The following ARHGEF37 variants were observed in gnomAD, a reference collection of about 807,000 sequenced individuals.
ARHGEF37 encodes the protein Rho guanine nucleotide exchange factor (GEF) 37.
A neutral mutation model predicts 71.1 loss-of-function variants in ARHGEF37; 55 were observed. The ratio of observed to expected loss-of-function variants is 0.77; its 90% confidence interval spans 0.62 to 0.97. The LOEUF (loss-of-function observed/expected upper bound fraction) is 0.97, where lower values mean the gene tolerates loss of function less well. Among genes scored for constraint, ARHGEF37 ranks in the 50% least tolerant of loss-of-function variants. The probability of loss-of-function intolerance (pLI) is 0.00; values close to 1 mark genes in which losing one functional copy is unlikely to be tolerated. For synonymous variants in ARHGEF37, 327 were observed against 350.6 expected, an observed-to-expected ratio of 0.93 and a Z score of 0.75; for missense variants, 765 against 836.8, an observed-to-expected ratio of 0.91 and a Z score of 1.06.
At position 149,575,716 on chromosome 5, in the gene ARHGEF37, C is replaced by T. The variant is rs188881933; in HGVS notation, c.-11-22043C>T. Among the ~76,000 whole-genome samples, 1,029 of 126,600 alleles carry T rather than the reference C, an allele frequency of 8.1e-3. 13 individuals are homozygous for T. Among genetic ancestry groups the T allele is most frequent in the African/African-American group, 0.03 (983 of 33,304 alleles). 83.1% of individuals were successfully genotyped at this position (126,600 alleles called of 152,430 possible). ...TTTTTTTTGGAGACAGGGTCTCACT[C>T]TGTCGCCCAGGCTGGAGTGCAGTGA... On this transcript the variant is annotated intron_variant, in intron 1 of 2. Transcript: ENST00000505810.
In ARHGEF37 at chr5:149,565,829, A is replaced by ATTTTTTTTTTTTTTTTTTT. The variant is rs201683478; in HGVS notation, c.-12+13723_-12+13741dup. On this transcript the variant is annotated intron_variant, in intron 1 of 2. Coordinates refer to the ARHGEF37 transcript ENST00000505810. ...TAGCTTTGTAATGTCAGAAACTCTAATTTTTTTTTTTTTTTTTTTTTTTTT... is the reference window on the plus strand; with the variant it reads ...TAGCTTTGTAATGTCAGAAACTCTAATTTTTTTTTTTTTTTTTTTTTTTTTTTTTTTTTTTTTTTTTTTT... 4.4e-4 allele frequency among the ~76,000 whole-genome samples: 37 copies of ATTTTTTTTTTTTTTTTTTT among 84,566 alleles called. 6 individuals are homozygous for ATTTTTTTTTTTTTTTTTTT. The highest frequency in any genetic ancestry group is 8.5e-4 in the Non-Finnish European group (32 of 37,436). The allele number at this position is 84,566 out of a possible 152,430, so 55.5% of individuals were successfully genotyped here. A position where few individuals can be genotyped will look rare whatever the true frequency, so the allele number is the denominator to read the frequency against.
intron 4 of ARHGEF37, 114 bp downstream of exon 4, chr5:149,609,809 T>C: frequency 7.0e-7 from 1 of 1,419,320 alleles, no homozygotes; most frequent in Non-Finnish European, 9.6e-7. Flanking sequence ...TGTTGCTCTG[T>C]CAGAGCCTGT....
At chr5:149,553,957 C>T (rs953195466) in intron 1 of ARHGEF37, among the ~76,000 whole-genome samples, 2 of 152,162 alleles carry the variant, frequency 1.3e-5, no homozygotes, top group East Asian at 3.9e-4. Flanking sequence ...CACCTGAGGT[C>T]AGGAGTTCGA....
At chr5:149,569,996 G>A (rs1762942987) in intron 1 of ARHGEF37, among the ~76,000 whole-genome samples, 1 of 152,064 alleles carries the variant, frequency 6.6e-6, no homozygotes, top group African/African-American at 2.4e-5. Flanking sequence ...GATGTTTTTA[G>A]TATTTTTCAT....
rs141530592 is a variant in ARHGEF37 at position 149,605,505 on chromosome 5, T to C, written c.311-4043T>C. The stretch of plus-strand genomic sequence containing the variant: ...GGTTCATCATATTTCAAGTGCCCAA[T>C]AGCCACGTGTGGCTGGTGACTACTG... On this transcript the variant is annotated intron_variant, in intron 3 of 12. Coordinates refer to ENST00000333677, the MANE Select transcript of ARHGEF37 (RefSeq NM_001001669.3). 4.7e-3 allele frequency among the ~76,000 whole-genome samples: 721 copies of C among 152,292 alleles called. 6 individuals are homozygous for C. The highest frequency in any genetic ancestry group is 0.017 in the African/African-American group (689 of 41,558).
Position 149,621,730 on chromosome 5 carries a change from C to G in ARHGEF37, c.1006-3C>G, listed in dbSNP as rs1752545387. Reference sequence around the variant, plus strand: ...CGACTCCCACGCTCATGTCTCCCCACAGAAGCAACGGCTAGAAGGCCTGGT... The same window carrying G: ...CGACTCCCACGCTCATGTCTCCCCAGAGAAGCAACGGCTAGAAGGCCTGGT... On this transcript the variant is annotated splice_region_variant and splice_polypyrimidine_tract_variant and intron_variant, in intron 8 of 12. Coordinates refer to ENST00000333677, the MANE Select transcript of ARHGEF37 (RefSeq NM_001001669.3). The G allele has an allele frequency of 6.2e-7, 1 of 1,607,908 alleles. No homozygotes were observed.
chr5:149,553,579 A>C (rs1181545465), intron 1 of ARHGEF37, among the ~76,000 whole-genome samples: 2 of 152,114 alleles, frequency 1.3e-5, no homozygotes, highest in African/African-American at 4.8e-5. Context: ...ATTTAGACGG[A>C]TATTTTGGTA....
chr5:149,578,119 G>T (rs192023278), upstream of ARHGEF37, among the ~76,000 whole-genome samples: 45 of 152,280 alleles, frequency 3.0e-4, no homozygotes, highest in African/African-American at 1.1e-3. Flanking sequence ...CTCCCACAGC[G>T]CCTGTCTATA....
chr5:149,604,314 A>G (rs1033235682), intron 3 of ARHGEF37, among the ~76,000 whole-genome samples: 4 of 152,176 alleles, frequency 2.6e-5, no homozygotes, highest in Non-Finnish European at 5.9e-5. Context: ...ATAAACAATG[A>G]ATAATTTTTT....
At chr5:149,571,468 G>C (rs558183184) in intron 1 of ARHGEF37, among the ~76,000 whole-genome samples, 19 of 152,184 alleles carry the variant, frequency 1.2e-4, no homozygotes, top group African/African-American at 3.6e-4. Flanking sequence ...ATAAAACTTT[G>C]CTGAGAGAAA....
At chr5:149,626,303 T>TA (rs1377861146) in intron 10 of ARHGEF37, among the ~76,000 whole-genome samples, 2 of 150,058 alleles carry the variant, frequency 1.3e-5, no homozygotes, top group Non-Finnish European at 3.0e-5. Context: ...TCTCAAGACA[T>TA]AGAGTAAATA....
At chr5:149,598,788 A>G (rs1763664718) in intron 2 of ARHGEF37, among the ~76,000 whole-genome samples, 1 of 145,928 alleles carries the variant, frequency 6.9e-6, no homozygotes, top group Non-Finnish European at 1.5e-5. Context: ...ATATATAGAT[A>G]TAGATATATA....
intron 3 of ARHGEF37, among the ~76,000 whole-genome samples, chr5:149,606,332 G>T (rs1423985357): frequency 2.6e-5 from 4 of 152,194 alleles, no homozygotes; most frequent in African/African-American, 9.6e-5. Flanking sequence ...GGGAGTTCTT[G>T]CTAGGCATCA....
rs1285001154 is a variant in ARHGEF37 at position 149,627,110 on chromosome 5, C to T, written c.1499C>T (p.Ala500Val). 1 of 1,614,008 alleles carries T rather than the reference C, an allele frequency of 6.2e-7. No homozygotes were observed. Among genetic ancestry groups the T allele is most frequent in the South Asian group, 1.1e-5 (1 of 91,058 alleles). The part of the protein sequence containing the change: ...LLPGSERQVQ[A>V]LLSRYGPGKL... ...CCAGGGTCTGAACGCCAGGTGCAGG[C>T]TCTCCTGAGCAGGTATGGCCCTGGG... The change falls in exon 11 of 13, where the codon GCT (alanine) becomes GTT (valine). Residue 500 changes from alanine (A) to valine (V), a missense_variant. Coordinates refer to ENST00000333677, the MANE Select transcript of ARHGEF37 (RefSeq NM_001001669.3).
intron 1 of ARHGEF37, among the ~76,000 whole-genome samples, chr5:149,594,401 T>C (rs71586128): frequency 9.2e-4 from 140 of 152,298 alleles, no homozygotes; most frequent in Admixed American, 2.0e-3. Context: ...TCACGGGGTG[T>C]GTTTGGGAGC....
At chr5:149,565,398 T>G (rs1762886002) in intron 1 of ARHGEF37, among the ~76,000 whole-genome samples, 1 of 152,196 alleles carries the variant, frequency 6.6e-6, no homozygotes, top group Non-Finnish European at 1.5e-5. Context: ...TTTTGTGGCT[T>G]AATGAGTGAC....
chr5:149,613,633 C>T (rs1047792128), intron 4 of ARHGEF37, among the ~76,000 whole-genome samples: 86 of 152,266 alleles, frequency 5.6e-4, no homozygotes, highest in Admixed American at 1.8e-3. Context: ...GCGTGAGCCA[C>T]GGCGCCCGTC....
chr5:149,612,300 T>C (rs561112728), intron 4 of ARHGEF37, among the ~76,000 whole-genome samples: 1 of 152,274 alleles, frequency 6.6e-6, no homozygotes, highest in Non-Finnish European at 1.5e-5. Flanking sequence ...CCCGAGTAGC[T>C]GGGACTACAG....
At position 149,622,142 on chromosome 5, in the gene ARHGEF37, G is replaced by T. The variant is rs923349127; in HGVS notation, c.1335+80G>T. On this transcript the variant is annotated intron_variant, in intron 9 of 12. Transcript: ENST00000333677. ...GCCCCATCAGCCAGCTGTGTGTAGG[G>T]GCTAGGATGGAGGGAGGATGGGCCT... The T allele has an allele frequency of 8.7e-6, 12 of 1,384,512 alleles. No homozygotes were observed. The Admixed American group carries it at 1.0e-4, about 12-fold the overall frequency. The allele number at this position is 1,384,512 out of a possible 1,614,324, so 85.8% of individuals were successfully genotyped here.
Sources: gnomAD v4.1 joint callset for allele counts (sites outside exome capture counted in the v4.1 genomes callset) on GRCh38, gnomAD v4.1.1 for gene constraint, MANE v1.5 for transcripts, NCBI Gene and HGNC (gene_info 2026-07-23, HGNC 2026-07-21) for gene names.